VWA3B: variants seen among roughly 807,000 people sequenced by gnomAD.
VWA3B encodes von Willebrand factor A domain containing 3B.
In VWA3B, 138 loss-of-function variants were observed where a neutral mutation model predicts 158.3. The ratio of observed to expected loss-of-function variants is 0.87; its 90% CI spans 0.76 to 1.00. The LOEUF (loss-of-function observed/expected upper bound fraction) is 1.00. VWA3B is among the 50% of genes least tolerant of loss of function. The pLI is 0.00. For synonymous variants in VWA3B, 596 were observed against 587.3 expected (o/e 1.01, Z -0.21); for missense variants, 1,555 against 1,565.1 (o/e 0.99, Z 0.11).
intron 22 of VWA3B, among the ~76,000 whole-genome samples, chr2:98,275,166 T>C (rs1350277899): frequency 6.6e-6 from 1 of 152,244 alleles, no homozygotes; most frequent in Admixed American, 6.5e-5. Flanking sequence ...TCCCAGAGCC[T>C]AGAATCGTGG....
rs958304898 is a variant in VWA3B, at chr2:98,299,976, A to G, written c.3283-103A>G. On this transcript the variant is annotated intron_variant, in intron 24 of 27. Transcript: ENST00000477737. The stretch of plus-strand genomic sequence containing the variant: ...AAAAAATATCTATTTGAATTTTAGC[A>G]TCAGTACTTGCCAATTGCCTTGGAG... 4 of 1,414,902 alleles carry G rather than the reference A, an allele frequency of 2.8e-6. No homozygotes were observed. The African/African-American group carries it at 4.3e-5, about 15-fold the overall frequency. 87.6% of individuals were successfully genotyped at this position (1,414,902 alleles called of 1,614,324 possible).
chr2:98,267,508 CAT>C (rs1334138519), intron 21 of VWA3B, among the ~76,000 whole-genome samples: 2 of 152,064 alleles, frequency 1.3e-5, no homozygotes, highest in East Asian at 3.9e-4. Context: ...AAAGACACAA[CAT>C]ACCAGAATCT....
At chr2:98,279,892 G>T (rs908478112) in intron 22 of VWA3B, among the ~76,000 whole-genome samples, 4 of 152,202 alleles carry the variant, frequency 2.6e-5, no homozygotes, top group Non-Finnish European at 4.4e-5. Context: ...CAAGGGGGAT[G>T]CGTGAGTGGG....
intron 24 of VWA3B, among the ~76,000 whole-genome samples, chr2:98,299,466 G>A (rs1325034899): frequency 2.6e-5 from 4 of 152,224 alleles, no homozygotes; most frequent in African/African-American, 9.6e-5. Context: ...TGTGAGCCGG[G>A]AGGAGAAGCG....
chr2:98,250,300 T>C lies in VWA3B; in HGVS notation c.2674-18T>C, dbSNP rs988264128. ...CCTATCAAGTGACACTTTCCTTTCCTTTGCCATTGACATGCAGGTGTTCCC... is the reference window on the plus strand; with the variant it reads ...CCTATCAAGTGACACTTTCCTTTCCCTTGCCATTGACATGCAGGTGTTCCC... On this transcript the variant is annotated intron_variant, in intron 19 of 27. Coordinates refer to ENST00000477737, the MANE Select transcript of VWA3B (RefSeq NM_144992.5). The C allele has an allele frequency of 2.5e-6, 4 of 1,599,066 alleles. No individual in the cohort carries two copies. The highest frequency in any genetic ancestry group is 3.3e-4 in the Middle Eastern group (2 of 6,014).
chr2:98,283,572 C>T (rs1047831117), intron 22 of VWA3B, among the ~76,000 whole-genome samples: 1 of 152,212 alleles, frequency 6.6e-6, no homozygotes, highest in Non-Finnish European at 1.5e-5. Context: ...GGAAGCTGTG[C>T]TTGGGCATCC....
intron 7 of VWA3B, among the ~76,000 whole-genome samples, chr2:98,151,433 T>G (rs996248238): frequency 4.6e-5 from 7 of 152,230 alleles, no homozygotes; most frequent in African/African-American, 1.4e-4. Context: ...TTGTGGTGAA[T>G]GCATGAGCTT....
intron 3 of VWA3B, among the ~76,000 whole-genome samples, chr2:98,116,936 G>T (rs749403492): frequency 3.3e-5 from 5 of 152,200 alleles, no homozygotes; most frequent in African/African-American, 4.8e-5. Context: ...ATGGTATTAT[G>T]ATATTTCTGT....
intron 21 of VWA3B, among the ~76,000 whole-genome samples, chr2:98,256,879 G>A (rs1000582833): frequency 6.6e-6 from 1 of 152,108 alleles, no homozygotes; most frequent in Non-Finnish European, 1.5e-5. Flanking sequence ...TTGCACACAT[G>A]TAATGATCAA....
Position 98,250,312 on chromosome 2 carries a change from A to G in VWA3B, c.2674-6A>G, listed in dbSNP as rs6747410. On this transcript the variant is annotated splice_region_variant and splice_polypyrimidine_tract_variant and intron_variant, in intron 19 of 27. Transcript: ENST00000477737. ...CACTTTCCTTTCCTTTGCCATTGACATGCAGGTGTTCCCTCTGGCACATGT... is the reference window on the plus strand; with the variant it reads ...CACTTTCCTTTCCTTTGCCATTGACGTGCAGGTGTTCCCTCTGGCACATGT... 100,403 of 1,607,650 alleles carry G rather than the reference A, an allele frequency of 0.062. 6,265 individuals carry two copies. Among genetic ancestry groups the G allele is most frequent in the Admixed American group, 0.32 (18,834 of 58,494 alleles).
intron 13 of VWA3B, among the ~76,000 whole-genome samples, chr2:98,213,325 G>A (rs1228420007): frequency 6.6e-6 from 1 of 152,180 alleles, no homozygotes; most frequent in East Asian, 1.9e-4. Flanking sequence ...AGGAACTCTC[G>A]GAGGAGCCGC....
At chr2:98,195,731 C>T (rs1320699286) in intron 12 of VWA3B, among the ~76,000 whole-genome samples, 1 of 152,094 alleles carries the variant, frequency 6.6e-6, no homozygotes, top group African/African-American at 2.4e-5. Flanking sequence ...ATATAAAAAT[C>T]ACTAATGAAT....
At chr2:98,194,630 T>G in intron 12 of VWA3B, 138 bp downstream of exon 12, 1 of 1,006,802 alleles carries the variant, frequency 9.9e-7, no homozygotes, top group South Asian at 1.9e-5. Flanking sequence ...ACTTTTGTTT[T>G]GCTTGCAGTG....
At position 98,134,067 on chromosome 2, in the gene VWA3B, C is replaced by T. The variant is rs569869100; in HGVS notation, c.988+128C>T. The T allele has an allele frequency of 3.8e-5, 29 of 760,412 alleles. No individual in the cohort carries two copies. The South Asian group carries it at 4.9e-4, about 13-fold the overall frequency. 47.1% of individuals were successfully genotyped at this position (760,412 alleles called of 1,614,324 possible). A position where few individuals can be genotyped will look rare whatever the true frequency, so the allele number is the denominator to read the frequency against. Reference sequence around the variant, plus strand: ...TTTGTATAATGTTATTAATGTAGTGCAAGAGCAGAGTTAATGGATATTAGT... The same window carrying T: ...TTTGTATAATGTTATTAATGTAGTGTAAGAGCAGAGTTAATGGATATTAGT... On this transcript the variant is annotated intron_variant, in intron 7 of 27. Coordinates refer to ENST00000477737, the MANE Select transcript of VWA3B (RefSeq NM_144992.5).
At chr2:98,328,542 A>T in the VWA3B span, among the ~76,000 whole-genome samples, 1 of 152,242 alleles carries the variant, frequency 6.6e-6, no homozygotes, top group African/African-American at 2.4e-5. Flanking sequence ...TTGTATTTCT[A>T]TGTATAAATA....
In VWA3B at chr2:98,093,248, GA is replaced by G. The variant is rs771344021; in HGVS notation, c.159del (p.Lys53AsnfsTer46). 8.1e-6 allele frequency: 13 copies of G among 1,614,112 alleles called. No individual in the cohort carries two copies. Among genetic ancestry groups the G allele is most frequent in the Non-Finnish European group, 1.1e-5 (13 of 1,179,996 alleles). Reference sequence around the variant, plus strand: ...GGCTTAAGAGCAACAAATTGACCTTGAAACAGATTTTGTCACAGATCGGATT... The same window carrying G: ...GGCTTAAGAGCAACAAATTGACCTTGAACAGATTTTGTCACAGATCGGATT... ...HGLKSNKLTL[K>X]QILSQIGFPH... On this transcript the variant is annotated frameshift_variant, in exon 2 of 28. Transcript: ENST00000477737. LOFTEE classifies it high-confidence loss of function.
downstream of VWA3B, among the ~76,000 whole-genome samples, chr2:98,315,846 G>T (rs934215865): frequency 2.0e-5 from 3 of 152,326 alleles, no homozygotes; most frequent in East Asian, 5.8e-4. Context: ...AAAGAATTCA[G>T]TGAGACGAAG....
intron 21 of VWA3B, among the ~76,000 whole-genome samples, chr2:98,259,015 A>G (rs772224993): frequency 2.0e-5 from 3 of 151,766 alleles, no homozygotes; most frequent in African/African-American, 4.8e-5. Context: ...TTCTGTATCT[A>G]TTGAAATGAT....
chr2:98,210,039 A>G (rs1170418296), intron 12 of VWA3B, among the ~76,000 whole-genome samples: 1 of 152,088 alleles, frequency 6.6e-6, no homozygotes. Context: ...TTGCTGGGTG[A>G]CCTTCTGGGA....
Sources: gnomAD v4.1 joint callset for allele counts (sites outside exome capture counted in the v4.1 genomes callset) on GRCh38, gnomAD v4.1.1 for gene constraint, MANE v1.5 for transcripts, NCBI Gene and HGNC (gene_info 2026-07-23, HGNC 2026-07-21) for gene names.